The following PTK2 variants were observed in gnomAD, a reference collection of about 807,000 sequenced individuals.
PTK2 encodes the protein focal adhesion kinase 1.
In PTK2, 45 loss-of-function variants were observed where a neutral mutation model predicts 150.1. The observed-to-expected ratio is 0.30, with a 90% CI of 0.24 to 0.38. The LOEUF (loss-of-function observed/expected upper bound fraction) is 0.38. Among genes scored for constraint, PTK2 ranks in the 10% least tolerant of loss-of-function variants. The pLI is 1.00. For missense variants in PTK2, 919 were observed against 1,307.3 expected (o/e 0.70, Z 4.58); for synonymous variants, 432 against 449.2 (o/e 0.96, Z 0.48).
At chr8:140,801,240 C>T (rs953863149) in intron 11 of PTK2, among the ~76,000 whole-genome samples, 7 of 152,170 alleles carry the variant, frequency 4.6e-5, no homozygotes, top group African/African-American at 1.4e-4. Flanking sequence ...CGTTAACAGA[C>T]CAAAGAATCC....
At chr8:140,658,311 G>A (rs1036383138) in exon 32 of PTK2, 1 of 169,988 alleles carries the variant, frequency 5.9e-6, no homozygotes, top group Non-Finnish European at 1.3e-5. Context: ...ATAATTATTG[G>A]GAACTCTCTT....
At chr8:140,982,392 T>A (rs2100191753) in intron 1 of PTK2, among the ~76,000 whole-genome samples, 1 of 152,012 alleles carries the variant, frequency 6.6e-6, no homozygotes, top group African/African-American at 2.4e-5. Context: ...AGGTCAGGAG[T>A]TCGAGACCAG....
intron 1 of PTK2, among the ~76,000 whole-genome samples, chr8:140,942,956 C>T (rs2100176365): frequency 6.6e-6 from 1 of 151,826 alleles, no homozygotes. Context: ...ATGGCACCTC[C>T]CACTCTCTCT....
intron 25 of PTK2, among the ~76,000 whole-genome samples, chr8:140,702,280 C>T (rs1016656657): frequency 6.9e-6 from 1 of 144,312 alleles, no homozygotes; most frequent in African/African-American, 2.6e-5. Flanking sequence ...AGTGCAGTGG[C>T]ATGATCTCGG....
chr8:140,912,606 T>TA (rs1051989574), intron 2 of PTK2, among the ~76,000 whole-genome samples: 17 of 150,672 alleles, frequency 1.1e-4, no homozygotes, highest in African/African-American at 2.4e-4. Context: ...CTCATAATAA[T>TA]AAAAAAAAGA....
At chr8:140,867,001 G>A (rs1228321354) in intron 4 of PTK2, among the ~76,000 whole-genome samples, 1 of 152,186 alleles carries the variant, frequency 6.6e-6, no homozygotes, top group Non-Finnish European at 1.5e-5. Context: ...TTCTAGTCAG[G>A]TGGAACAGAC....
At chr8:140,716,106 G>A (rs748597559) in intron 23 of PTK2, among the ~76,000 whole-genome samples, 1 of 152,180 alleles carries the variant, frequency 6.6e-6, no homozygotes, top group African/African-American at 2.4e-5. Context: ...CCAAGAGGTA[G>A]GGAATACAAA....
chr8:140,955,123 A>G (rs1455656741), intron 1 of PTK2, among the ~76,000 whole-genome samples: 1 of 152,264 alleles, frequency 6.6e-6, no homozygotes, highest in Non-Finnish European at 1.5e-5. Flanking sequence ...AACAGAATAT[A>G]CACATCTATT....
intron 2 of PTK2, among the ~76,000 whole-genome samples, chr8:140,917,560 T>G (rs6987946): frequency 6.6e-6 from 1 of 151,976 alleles, no homozygotes; most frequent in Non-Finnish European, 1.5e-5. Flanking sequence ...AAGTTTGACA[T>G]GGAAGATTTA....
intron 1 of PTK2, among the ~76,000 whole-genome samples, chr8:140,997,561 G>A (rs2100198264): frequency 6.6e-6 from 1 of 152,202 alleles, no homozygotes; most frequent in Admixed American, 6.5e-5. Flanking sequence ...TTTGTCAGCA[G>A]CCATCACCAC....
At chr8:140,805,064 G>C (rs2100097480) in intron 10 of PTK2, among the ~76,000 whole-genome samples, 1 of 152,058 alleles carries the variant, frequency 6.6e-6, no homozygotes, top group Non-Finnish European at 1.5e-5. Context: ...CCCTAGTTCT[G>C]CCATGGCAAA....
chr8:140,811,155 T>C (rs1176732944), intron 10 of PTK2, among the ~76,000 whole-genome samples: 1 of 152,026 alleles, frequency 6.6e-6, no homozygotes, highest in African/African-American at 2.4e-5. Flanking sequence ...CCCATTGGAG[T>C]GTAGTGACCA....
intron 22 of PTK2, among the ~76,000 whole-genome samples, chr8:140,720,369 C>G (rs1013278973): frequency 8.6e-5 from 13 of 151,870 alleles, no homozygotes; most frequent in African/African-American, 2.9e-4. Flanking sequence ...TTATCATGAT[C>G]TATTAGATGT....
At chr8:140,942,066 T>G (rs903216180) in intron 1 of PTK2, among the ~76,000 whole-genome samples, 1 of 151,510 alleles carries the variant, frequency 6.6e-6, no homozygotes, top group Non-Finnish European at 1.5e-5. Context: ...ATTTTAAAAT[T>G]TTTTGTAGAG....
intron 29 of PTK2, 113 bp from the exon 34 acceptor site, chr8:140,668,537 T>C (rs1288681025): frequency 1.9e-5 from 23 of 1,230,212 alleles, no homozygotes; most frequent in African/African-American, 6.1e-5. Context: ...CAGAAGGTCA[T>C]TGATTTTCTT....
chr8:140,662,643 C>T (rs1216220411), intron 31 of PTK2: 4 of 540,126 alleles, frequency 7.4e-6, no homozygotes, highest in Admixed American at 2.4e-5. Context: ...ATCAATGCCA[C>T]TTACAAAGGA....
At chr8:140,741,436 C>A (rs1351359014) in intron 20 of PTK2, among the ~76,000 whole-genome samples, 13 of 150,504 alleles carry the variant, frequency 8.6e-5, no homozygotes, top group Non-Finnish European at 1.9e-4. Flanking sequence ...GCCTGGGCGA[C>A]AGAGTGAGAC....
At chr8:140,819,079 C>A in intron 8 of PTK2, 59 bp from the exon 9 acceptor site, 1 of 1,542,650 alleles carries the variant, frequency 6.5e-7, no homozygotes, top group South Asian at 1.2e-5. Flanking sequence ...AAGACCACAA[C>A]AATAATGGTA....
chr8:140,776,012 A>T (rs1353674850), intron 14 of PTK2, among the ~76,000 whole-genome samples: 1 of 152,140 alleles, frequency 6.6e-6, no homozygotes, highest in African/African-American at 2.4e-5. Flanking sequence ...TATTATTATT[A>T]TTATTCTCAT....
Sources: allele counts gnomAD v4.1 joint callset (sites outside exome capture counted in the v4.1 genomes callset), GRCh38; gene constraint gnomAD v4.1.1; transcripts MANE v1.5; gene names NCBI Gene and HGNC (gene_info 2026-07-23, HGNC 2026-07-21).